Variants in JKAMP observed in about 807,000 individuals in gnomAD.
The protein encoded by JKAMP is JNK1/MAPK8-associated membrane protein.
Under a neutral mutation model 40.2 loss-of-function variants are expected in JKAMP, and 20 were observed. The ratio of observed to expected loss-of-function variants is 0.50; its 90% CI spans 0.35 to 0.72. JKAMP has a LOEUF of 0.72. JKAMP is among the 30% of genes least tolerant of loss of function. The pLI, the probability that JKAMP is intolerant of heterozygous loss-of-function variation, is 0.01. For missense variants in JKAMP, 276 were observed against 373.0 expected (o/e 0.74, Z 2.14); for synonymous variants, 138 against 131.6 (o/e 1.05, Z -0.33).
chr14:59,489,175 C>G (rs1473664483), intron 3 of JKAMP, among the ~76,000 whole-genome samples: 3 of 134,248 alleles, frequency 2.2e-5, no homozygotes, highest in African/African-American at 9.1e-5. Context: ...AACTTTTAGA[C>G]TCCGCTTTCC....
Position 59,498,908 on chromosome 14 carries a change from T to C in JKAMP, c.640T>C (p.Tyr214His). The C allele has an allele frequency of 6.3e-7, 1 of 1,588,806 alleles. No homozygotes were observed. Among genetic ancestry groups the C allele is most frequent in the Non-Finnish European group, 8.6e-7 (1 of 1,163,356 alleles). Residue 214 changes from tyrosine to histidine, a missense_variant and splice_region_variant, in exon 5 of 7, where the codon TAT becomes CAT. Physicochemically the swap from Tyr to His is moderately conservative, Grantham distance 83. Coordinates refer to ENST00000616435, the MANE Select transcript of JKAMP (RefSeq NM_016475.5). ...VLQAVGGGLL[Y>H]YAFPYIILVL... ...TCAGGCAGTTGGTGGAGGCCTTTTATGTAAGTTTGATGGGTAAAGTCAATG... is the reference window on the plus strand; with the variant it reads ...TCAGGCAGTTGGTGGAGGCCTTTTACGTAAGTTTGATGGGTAAAGTCAATG...
At chr14:59,485,212 T>C in intron 1 of JKAMP, 3 of 1,344,418 alleles carry the variant, frequency 2.2e-6, no homozygotes, top group Non-Finnish European at 3.1e-6. Context: ...TCACGTGTAT[T>C]TATTAAGCAT....
intron 5 of JKAMP, 81 bp from the exon 6 acceptor site, chr14:59,501,110 A>G (rs1289431693): frequency 2.2e-6 from 2 of 909,714 alleles, no homozygotes; most frequent in African/African-American, 3.4e-5. Context: ...ACTCTAAGGA[A>G]AATTACTATT....
intron 3 of JKAMP, among the ~76,000 whole-genome samples, chr14:59,491,090 C>T (rs926135966): frequency 6.6e-6 from 1 of 152,202 alleles, no homozygotes; most frequent in Non-Finnish European, 1.5e-5. Context: ...TGAAATTTTG[C>T]ACTTACAGTC....
intron 3 of JKAMP, among the ~76,000 whole-genome samples, chr14:59,490,480 T>C (rs895435827): frequency 6.6e-6 from 1 of 152,230 alleles, no homozygotes; most frequent in Admixed American, 6.5e-5. Context: ...ATTTGATGTA[T>C]ATTTTAGGAA....
chr14:59,487,482 C>A, intron 2 of JKAMP, 192 bp from the exon 3 acceptor site: 1 of 456,776 alleles, frequency 2.2e-6, no homozygotes, highest in Non-Finnish European at 3.9e-6. Flanking sequence ...CTTCTAAGAG[C>A]ATTGTACAAA....
At chr14:59,484,714 T>C in intron 1 of JKAMP, 121 bp downstream of exon 1, 1 of 1,269,342 alleles carries the variant, frequency 7.9e-7, no homozygotes. Context: ...GCTCGCCCCT[T>C]GACCCCGCCC....
In JKAMP at chr14:59,505,405, A is replaced by T. The variant is rs550209663; in HGVS notation, c.*1333A>T. 1.1e-5 allele frequency: 7 copies of T among 618,818 alleles called. No homozygotes were observed. Among genetic ancestry groups the T allele is most frequent in the South Asian group, 6.2e-5 (2 of 32,456 alleles). 38.3% of individuals were successfully genotyped at this position (618,818 alleles called of 1,614,324 possible). ...TGTTCATTAAAATTCTGAGTTGCCCAAAGAATCCTCAATTGAGTAATTGTA... is the reference window on the plus strand; with the variant it reads ...TGTTCATTAAAATTCTGAGTTGCCCTAAGAATCCTCAATTGAGTAATTGTA... On this transcript the variant is annotated 3_prime_UTR_variant, in exon 7 of 7. Coordinates refer to ENST00000616435, the MANE Select transcript of JKAMP (RefSeq NM_016475.5).
chr14:59,494,301 A>G (rs566524799), intron 3 of JKAMP, among the ~76,000 whole-genome samples: 3 of 152,370 alleles, frequency 2.0e-5, no homozygotes, highest in African/African-American at 7.2e-5. Context: ...CACATTTGCA[A>G]CACATTTAAC....
intron 1 of JKAMP, chr14:59,485,864 C>T (rs1218758244): frequency 6.6e-6 from 1 of 152,262 alleles, no homozygotes; most frequent in Non-Finnish European, 1.5e-5. Flanking sequence ...GATCTGCCCA[C>T]CTCGACCTCC....
chr14:59,500,117 T>C (rs149372615), intron 5 of JKAMP, among the ~76,000 whole-genome samples: 1 of 152,222 alleles, frequency 6.6e-6, no homozygotes, highest in Non-Finnish European at 1.5e-5. Flanking sequence ...CAACATTGTT[T>C]AGCTACTTAT....
At chr14:59,494,795 A>C (rs1891313906) in intron 3 of JKAMP, among the ~76,000 whole-genome samples, 1 of 152,236 alleles carries the variant, frequency 6.6e-6, no homozygotes, top group Non-Finnish European at 1.5e-5. Context: ...TTGGCAAGAT[A>C]CTAAAGATGC....
intron 3 of JKAMP, 72 bp from the exon 4 acceptor site, chr14:59,494,946 A>T: frequency 9.7e-7 from 1 of 1,034,898 alleles, no homozygotes; most frequent in East Asian, 2.4e-5. Context: ...ATCTTGACAC[A>T]TGTACATGTT....
chr14:59,486,256 T>G (rs550893260), intron 1 of JKAMP, among the ~76,000 whole-genome samples: 1 of 152,364 alleles, frequency 6.6e-6, no homozygotes, highest in African/African-American at 2.4e-5. Context: ...TTTTCCCATG[T>G]GAAAATGTGT....
intron 3 of JKAMP, among the ~76,000 whole-genome samples, chr14:59,488,678 G>T (rs1432230090): frequency 6.6e-6 from 1 of 152,164 alleles, no homozygotes; most frequent in East Asian, 1.9e-4. Context: ...GCTGGGAATG[G>T]GAAGTCAAAT....
chr14:59,498,003 G>T (rs1891575934), intron 4 of JKAMP, among the ~76,000 whole-genome samples: 1 of 152,110 alleles, frequency 6.6e-6, no homozygotes, highest in Non-Finnish European at 1.5e-5. Context: ...TAAAGTGCTA[G>T]AAATCTGGTG....
At chr14:59,498,950 G>T in intron 5 of JKAMP, 42 bp downstream of exon 5, 7 of 944,214 alleles carry the variant, frequency 7.4e-6, no homozygotes, top group Middle Eastern at 2.5e-4. Flanking sequence ...ATTTATTATT[G>T]TATGTAGTAA....
intron 3 of JKAMP, 25 bp downstream of exon 3, chr14:59,487,853 C>G (rs775999621): frequency 5.6e-6 from 9 of 1,600,294 alleles, no homozygotes; most frequent in Admixed American, 1.7e-5. Context: ...ATGAACATAT[C>G]TGGCTGGACT....
intron 3 of JKAMP, among the ~76,000 whole-genome samples, chr14:59,494,660 G>A (rs1488901358): frequency 1.3e-5 from 2 of 152,122 alleles, no homozygotes; most frequent in African/African-American, 4.8e-5. Flanking sequence ...CTAGTTATTG[G>A]GTAGGAGATG....
Sources: gnomAD v4.1 joint callset for allele counts (sites outside exome capture counted in the v4.1 genomes callset) on GRCh38, gnomAD v4.1.1 for gene constraint, MANE v1.5 for transcripts, NCBI Gene and HGNC (gene_info 2026-07-23, HGNC 2026-07-21) for gene names.